MALRD1: variants seen among roughly 807,000 people sequenced by gnomAD.
The protein encoded by MALRD1 is MAM and LDL-receptor class A domain-containing protein 1.
A neutral mutation model predicts 242.1 loss-of-function variants in MALRD1; 247 were observed. The ratio of observed to expected loss-of-function variants is 1.02; its 90% CI spans 0.92 to 1.13. MALRD1 has a LOEUF of 1.13. MALRD1 is among the 50% of genes most tolerant of loss of function. MALRD1 has a pLI of 0.00. For missense variants in MALRD1, 2,989 were observed against 2,533.1 expected (o/e 1.18, Z -3.86); for synonymous variants, 995 against 866.6 (o/e 1.15, Z -2.60).
At chr10:19,382,356 A>T (rs375180293) in intron 26 of MALRD1, among the ~76,000 whole-genome samples, 1 of 20,126 alleles carries the variant, frequency 5.0e-5, no homozygotes, top group Non-Finnish European at 1.2e-4. Context: ...GTGTGTGTGT[A>T]TGTGTGAGTG....
At chr10:19,054,103 AT>A (rs1299774453) in intron 1 of MALRD1, among the ~76,000 whole-genome samples, 1 of 152,070 alleles carries the variant, frequency 6.6e-6, no homozygotes, top group Admixed American at 6.5e-5. Context: ...GGTCTGTGTA[AT>A]TTTTTTAAAA....
At chr10:19,189,537 A>G (rs1347183527) in intron 14 of MALRD1, among the ~76,000 whole-genome samples, 1 of 152,156 alleles carries the variant, frequency 6.6e-6, no homozygotes, top group Non-Finnish European at 1.5e-5. Context: ...ATGCTTTATG[A>G]TCGTTTATGC....
chr10:19,521,584 C>T (rs927626957), intron 31 of MALRD1, among the ~76,000 whole-genome samples: 1 of 152,128 alleles, frequency 6.6e-6, no homozygotes, highest in African/African-American at 2.4e-5. Context: ...ATTGGTCACT[C>T]ATTCTTGGCC....
At chr10:19,058,272 C>T (rs1398425205) in intron 1 of MALRD1, among the ~76,000 whole-genome samples, 1 of 152,204 alleles carries the variant, frequency 6.6e-6, no homozygotes. Context: ...CCATACCATG[C>T]TGTTTTTATT....
At chr10:19,183,290 C>CT (rs913836255) in intron 14 of MALRD1, among the ~76,000 whole-genome samples, 153 of 151,014 alleles carry the variant, frequency 1.0e-3, no homozygotes, top group Non-Finnish European at 1.7e-3. Context: ...AAGTAGGAGT[C>CT]TTTTTTTTTC....
chr10:19,394,933 T>A (rs997018984), intron 28 of MALRD1, among the ~76,000 whole-genome samples: 1 of 152,202 alleles, frequency 6.6e-6, no homozygotes, highest in African/African-American at 2.4e-5. Flanking sequence ...ACTGTTTGCA[T>A]TTTATTCATT....
rs1007199400 is a variant in MALRD1, at chr10:19,595,265, C to G, written c.5752C>G (p.Pro1918Ala). 29 of 1,550,278 alleles carry G rather than the reference C, an allele frequency of 1.9e-5. No homozygotes were observed. The highest frequency in any genetic ancestry group is 1.8e-4 in the Admixed American group (9 of 50,952). The change falls in exon 34 of 40, where the codon CCT becomes GCT. Residue 1918 changes from proline to alanine, a missense_variant. Pro to Ala is a conservative substitution (Grantham distance 27). Transcript: ENST00000454679. ...TTGTATCTACACACTCCAATGTGTC[C>G]CTCTCTCAGGGAAATGTGATGGACA... ...FSCIYTLQCV[P>A]LSGKCDGHED...
intron 38 of MALRD1, among the ~76,000 whole-genome samples, chr10:19,693,009 C>T (rs866962312): frequency 0.012 from 1,812 of 151,570 alleles, 20 homozygotes; most frequent in East Asian, 0.055. Context: ...AAAAGGCCTT[C>T]GACAAAATTC....
At chr10:19,551,947 A>C (rs1282323116) in intron 32 of MALRD1, among the ~76,000 whole-genome samples, 1 of 152,112 alleles carries the variant, frequency 6.6e-6, no homozygotes, top group Non-Finnish European at 1.5e-5. Flanking sequence ...AGGCTACTTG[A>C]TTGTGGTAAA....
At chr10:19,477,272 G>A (rs1490623135) in intron 29 of MALRD1, among the ~76,000 whole-genome samples, 2 of 151,992 alleles carry the variant, frequency 1.3e-5, no homozygotes, top group African/African-American at 4.8e-5. Context: ...AAGGCAACAA[G>A]AAAATTGTCA....
At chr10:19,169,750 AT>A (rs1196069152) in intron 13 of MALRD1, among the ~76,000 whole-genome samples, 1 of 152,244 alleles carries the variant, frequency 6.6e-6, no homozygotes, top group Non-Finnish European at 1.5e-5. Flanking sequence ...CAAATAGTTA[AT>A]CTAGCTTTTT....
chr10:19,221,317 A>G (rs995502688), intron 18 of MALRD1, among the ~76,000 whole-genome samples: 1 of 152,152 alleles, frequency 6.6e-6, no homozygotes, highest in Non-Finnish European at 1.5e-5. Flanking sequence ...TGCTGAAAGT[A>G]TAAATTACAT....
intron 2 of MALRD1, among the ~76,000 whole-genome samples, chr10:19,071,379 G>A (rs574776045): frequency 6.7e-5 from 10 of 150,170 alleles, no homozygotes; most frequent in South Asian, 2.1e-4. Flanking sequence ...GCTGCCCTTC[G>A]TGGTTTCTCA....
At chr10:19,540,741 A>C (rs143535000) in intron 32 of MALRD1, among the ~76,000 whole-genome samples, 66 of 152,318 alleles carry the variant, frequency 4.3e-4, no homozygotes, top group African/African-American at 1.5e-3. Context: ...GTGGAAAAAA[A>C]ACCTTGACGT....
rs56865342 is a variant in MALRD1 at position 19,638,101 on chromosome 10, C to CAAAAAAAAAAAAAAAAA, written c.6137+22189_6137+22205dup. On this transcript the variant is annotated intron_variant, in intron 36 of 39. Transcript: ENST00000454679. ...GGGCAACAAGAGAGAAACTCACTCT[C>CAAAAAAAAAAAAAAAAA]AAAAAAAAAAAAAAAAAAAAAAAAA... is the stretch of plus-strand genomic sequence containing the variant. Among the ~76,000 whole-genome samples the CAAAAAAAAAAAAAAAAA allele has an allele frequency of 9.5e-5, 4 of 41,924 alleles. No homozygotes were observed. In the East Asian group the frequency reaches 4.0e-3, roughly 42 times the overall value. 27.5% of individuals were successfully genotyped at this position (41,924 alleles called of 152,430 possible). A position where few individuals can be genotyped will look rare whatever the true frequency, so the allele number is the denominator to read the frequency against.
At chr10:19,102,049 CT>C (rs1033362988) in intron 4 of MALRD1, among the ~76,000 whole-genome samples, 1 of 111,118 alleles carries the variant, frequency 9.0e-6, no homozygotes, top group African/African-American at 3.5e-5. Context: ...TAATTATAAT[CT>C]ATATTATAAT....
chr10:19,397,722 G>A (rs915086247), intron 28 of MALRD1, among the ~76,000 whole-genome samples: 1 of 152,118 alleles, frequency 6.6e-6, no homozygotes, highest in African/African-American at 2.4e-5. Flanking sequence ...AGGGGACAGT[G>A]TTACTGGGTG....
chr10:19,381,875 T>C (rs769413265), intron 26 of MALRD1, among the ~76,000 whole-genome samples: 10 of 151,862 alleles, frequency 6.6e-5, no homozygotes, highest in Non-Finnish European at 1.0e-4. Context: ...ATCATTAATA[T>C]TATAGAACAA....
intron 28 of MALRD1, among the ~76,000 whole-genome samples, chr10:19,418,233 A>C (rs1027544414): frequency 3.9e-5 from 6 of 152,004 alleles, no homozygotes; most frequent in African/African-American, 1.5e-4. Context: ...TATTCAGTAA[A>C]CTAGCTAGAT....
Sources: allele counts gnomAD v4.1 joint callset (sites outside exome capture counted in the v4.1 genomes callset), GRCh38; gene constraint gnomAD v4.1.1; transcripts MANE v1.5; gene names NCBI Gene and HGNC (gene_info 2026-07-23, HGNC 2026-07-21).